The following TOX2 variants were observed in gnomAD, a reference collection of about 807,000 sequenced individuals.
The protein encoded by TOX2 is TOX high mobility group box family member 2, also known as granulosa cell HMG box 1.
Under a neutral mutation model 47.4 loss-of-function variants are expected in TOX2, and 15 were observed. The ratio of observed to expected loss-of-function variants is 0.32; its 90% CI spans 0.21 to 0.49. The LOEUF (loss-of-function observed/expected upper bound fraction) is 0.49, where lower values mean the gene tolerates loss of function less well. Among genes scored for constraint, TOX2 ranks in the 20% least tolerant of loss-of-function variants. TOX2 has a pLI of 0.99. For synonymous variants in TOX2, 290 were observed against 296.6 expected (o/e 0.98, Z 0.23); for missense variants, 622 against 673.1 (o/e 0.92, Z 0.84).
chr20:43,936,322 TGTGA>T (rs1274050152), intron 1 of TOX2, among the ~76,000 whole-genome samples: 1 of 152,276 alleles, frequency 6.6e-6, no homozygotes, highest in Admixed American at 6.5e-5. Context: ...GTTCTTTGGC[TGTGA>T]GTATTATCAG....
At chr20:44,008,496 G>T (rs888371287) in intron 3 of TOX2, among the ~76,000 whole-genome samples, 1 of 152,042 alleles carries the variant, frequency 6.6e-6, no homozygotes, top group Non-Finnish European at 1.5e-5. Flanking sequence ...GGAGGTAAAG[G>T]TTGCAGTAAG....
chr20:43,942,835 C>A (rs1191179421), intron 1 of TOX2, among the ~76,000 whole-genome samples: 1 of 152,210 alleles, frequency 6.6e-6, no homozygotes, highest in Non-Finnish European at 1.5e-5. Flanking sequence ...TGAGTCATCT[C>A]TCTTTGTTTT....
chr20:43,938,325 T>C (rs1364482377), intron 1 of TOX2, among the ~76,000 whole-genome samples: 1 of 152,174 alleles, frequency 6.6e-6, no homozygotes, highest in African/African-American at 2.4e-5. Context: ...CCGGGACCCC[T>C]TAGTCCTCCC....
At chr20:44,007,010 C>T (rs1368685588) in intron 3 of TOX2, among the ~76,000 whole-genome samples, 1 of 152,056 alleles carries the variant, frequency 6.6e-6, no homozygotes, top group Admixed American at 6.5e-5. Flanking sequence ...AATCTAATAT[C>T]AGCACACTGC....
In TOX2 at chr20:44,025,047, A is replaced by G. The variant is rs142229503; in HGVS notation, c.411+18255A>G. On this transcript the variant is annotated intron_variant, in intron 3 of 8. Coordinates refer to ENST00000341197, the MANE Select transcript of TOX2 (RefSeq NM_001098797.2). Reference sequence around the variant, plus strand: ...TAACATTCCATCATATGGGTGTTTCATCATGTACTTAACCTTCTGTTGATG... The same window carrying G: ...TAACATTCCATCATATGGGTGTTTCGTCATGTACTTAACCTTCTGTTGATG... Among the ~76,000 whole-genome samples the G allele has an allele frequency of 6.2e-3, 943 of 152,316 alleles. 9 individuals are homozygous for G. The highest frequency in any genetic ancestry group is 0.022 in the African/African-American group (909 of 41,566).
At chr20:43,929,437 T>A (rs908037196) in intron 1 of TOX2, among the ~76,000 whole-genome samples, 1 of 152,080 alleles carries the variant, frequency 6.6e-6, no homozygotes, top group Non-Finnish European at 1.5e-5. Context: ...AAAGTCAGAG[T>A]CAGTCCCCCT....
intron 1 of TOX2, among the ~76,000 whole-genome samples, chr20:43,919,656 A>G (rs1015798859): frequency 2.6e-5 from 4 of 152,078 alleles, no homozygotes; most frequent in African/African-American, 9.7e-5. Context: ...ATTTATCCTG[A>G]TGCTCTCACT....
chr20:44,006,084 G>C (rs1423198819), intron 2 of TOX2, among the ~76,000 whole-genome samples: 1 of 152,224 alleles, frequency 6.6e-6, no homozygotes, highest in Non-Finnish European at 1.5e-5. Context: ...GAGCACAAGA[G>C]AAAATGGCCT....
chr20:44,039,307 G>A, intron 3 of TOX2: 1 of 1,289,138 alleles, frequency 7.8e-7, no homozygotes, highest in Non-Finnish European at 1.0e-6. Flanking sequence ...GGGAGCTCTG[G>A]GAAGGGGCTG....
At chr20:43,988,836 G>A (rs1310271626) in intron 2 of TOX2, among the ~76,000 whole-genome samples, 1 of 152,222 alleles carries the variant, frequency 6.6e-6, no homozygotes, top group Non-Finnish European at 1.5e-5. Flanking sequence ...TCCAGACTCA[G>A]AACTTAGGAG....
At chr20:44,065,389 A>G (rs1224741021) in intron 6 of TOX2, among the ~76,000 whole-genome samples, 1 of 152,174 alleles carries the variant, frequency 6.6e-6, no homozygotes, top group African/African-American at 2.4e-5. Flanking sequence ...AGTCAAGGGA[A>G]AAACATCTAC....
intron 3 of TOX2, among the ~76,000 whole-genome samples, chr20:44,049,222 A>G (rs1388656341): frequency 6.6e-6 from 1 of 152,252 alleles, no homozygotes; most frequent in Non-Finnish European, 1.5e-5. Context: ...AAGATTAAAG[A>G]GCCAAAAAGG....
chr20:43,924,478 C>T (rs1248565096), intron 1 of TOX2, among the ~76,000 whole-genome samples: 3 of 152,166 alleles, frequency 2.0e-5, no homozygotes, highest in Non-Finnish European at 4.4e-5. Flanking sequence ...CAAGGAGCTT[C>T]TGGGCCATGC....
intron 1 of TOX2, among the ~76,000 whole-genome samples, chr20:43,935,894 T>A (rs1363460224): frequency 2.6e-5 from 3 of 115,468 alleles, no homozygotes; most frequent in Admixed American, 1.3e-4. Context: ...GCCATTGCAC[T>A]CCAGCCTGGG....
At chr20:43,954,480 G>T (rs759218957) in intron 1 of TOX2, among the ~76,000 whole-genome samples, 49 of 152,158 alleles carry the variant, frequency 3.2e-4, no homozygotes, top group Non-Finnish European at 3.2e-4. Flanking sequence ...CTTGCTTCTC[G>T]TTGTGTCCCA....
intron 1 of TOX2, among the ~76,000 whole-genome samples, chr20:43,965,205 G>A (rs141947508): frequency 6.6e-4 from 100 of 152,276 alleles, no homozygotes; most frequent in Non-Finnish European, 1.1e-3. Flanking sequence ...GTGGACATGT[G>A]GCTATTGGGA....
intron 1 of TOX2, among the ~76,000 whole-genome samples, chr20:43,965,892 T>C (rs917997318): frequency 1.3e-5 from 2 of 152,086 alleles, no homozygotes; most frequent in African/African-American, 4.8e-5. Flanking sequence ...TAGGGGAGGT[T>C]GGGAGAATTG....
In TOX2 at chr20:43,915,048, G is replaced by A; in HGVS notation, c.99+58G>A. 9.3e-7 allele frequency: 1 copy of A among 1,070,786 alleles called. No homozygotes were observed. The highest frequency in any genetic ancestry group is 4.1e-5 in the East Asian group (1 of 24,326). 66.3% of individuals were successfully genotyped at this position (1,070,786 alleles called of 1,614,324 possible). ...CGGGGCCGGAGTCACCTGGCAGCTC[G>A]GGACTCAGGCGCTCCCGGGGTCACA... On this transcript the variant is annotated intron_variant, in intron 1 of 8. Coordinates refer to ENST00000341197, the MANE Select transcript of TOX2 (RefSeq NM_001098797.2). The surrounding 1 kb of genome is among the most constrained non-coding windows in gnomAD (Gnocchi z 7.1).
chr20:43,985,439 G>T (rs990305147), intron 2 of TOX2, among the ~76,000 whole-genome samples: 1 of 152,206 alleles, frequency 6.6e-6, no homozygotes, highest in Non-Finnish European at 1.5e-5. Context: ...GACATGAGAA[G>T]GCAGAACTGG....
Sources: allele counts gnomAD v4.1 joint callset (sites outside exome capture counted in the v4.1 genomes callset), GRCh38; gene constraint gnomAD v4.1.1; non-coding constraint Gnocchi (gnomAD v3.1); transcripts MANE v1.5; gene names NCBI Gene and HGNC (gene_info 2026-07-23, HGNC 2026-07-21).